The following SNIP1 variants were observed in gnomAD, a reference collection of about 807,000 sequenced individuals.
SNIP1 encodes Smad nuclear interacting protein 1, also known as smad nuclear-interacting protein 1.
A neutral mutation model predicts 37.4 loss-of-function variants in SNIP1; 23 were observed. The ratio of observed to expected loss-of-function variants is 0.61; its 90% CI spans 0.44 to 0.87. SNIP1 has a LOEUF of 0.87. Among genes scored for constraint, SNIP1 ranks in the 40% least tolerant of loss-of-function variants. SNIP1 has a pLI of 0.00. For missense variants in SNIP1, 459 were observed against 540.4 expected (o/e 0.85, Z 1.49); for synonymous variants, 174 against 200.0 (o/e 0.87, Z 1.10).
chr1:37,554,008 G>A lies in SNIP1; in HGVS notation c.222C>T (p.Ser74=). 1.3e-6 allele frequency: 2 copies of A among 1,561,396 alleles called. No homozygotes were observed. The highest frequency in any genetic ancestry group is 1.2e-5 in the South Asian group (1 of 85,622). The change falls in exon 1 of 4, where the codon AGC becomes AGT. Residue 74 remains serine, a splice_region_variant and synonymous_variant. Transcript: ENST00000296215. ...TCCTGGACTGCTCCCCCACTTACCG[G>A]CTAACTCCTCGGGCTCGGTTCCCGC... ...GHRGNRARGV[S]RSPPKKKNKA...
At position 37,534,994 on chromosome 1, in the gene SNIP1, T is replaced by A. The variant is rs918777539; in HGVS notation, c.*2754A>T. 1 of 151,050 alleles carries A rather than the reference T, an allele frequency of 6.6e-6. No individual in the cohort carries two copies. The highest frequency in any genetic ancestry group is 2.4e-5 in the African/African-American group (1 of 40,886). 9.4% of individuals were successfully genotyped at this position (151,050 alleles called of 1,614,324 possible). A position where few individuals can be genotyped will look rare whatever the true frequency, so the allele number is the denominator to read the frequency against. On this transcript the variant is annotated 3_prime_UTR_variant, in exon 4 of 4. Coordinates refer to ENST00000296215, the MANE Select transcript of SNIP1 (RefSeq NM_024700.4). ...CACTTTAAGAAGTCTGCTGGTGATA[T>A]CTGGCTTTAGAGGCAGGTAATGTCT...
intron 2 of SNIP1, 25 bp downstream of exon 2, chr1:37,552,620 C>T: frequency 6.3e-7 from 1 of 1,580,218 alleles, no homozygotes; most frequent in Non-Finnish European, 8.7e-7. Context: ...AATTTGGACC[C>T]ATCAAAACAC....
chr1:37,536,057 C>G lies in SNIP1; in HGVS notation c.*1691G>C, dbSNP rs1643089337. On this transcript the variant is annotated 3_prime_UTR_variant, in exon 4 of 4. Coordinates refer to ENST00000296215, the MANE Select transcript of SNIP1 (RefSeq NM_024700.4). ...GAACTCCTGACCTCAGATGATCTGCCCACCTCAGCCTCCGAAAGTGTTGGG... is the reference window on the plus strand; with the variant it reads ...GAACTCCTGACCTCAGATGATCTGCGCACCTCAGCCTCCGAAAGTGTTGGG... 6.6e-6 allele frequency: 1 copy of G among 152,276 alleles called. No individual in the cohort carries two copies. Among genetic ancestry groups the G allele is most frequent in the South Asian group, 2.1e-4 (1 of 4,836 alleles). 9.4% of individuals were successfully genotyped at this position (152,276 alleles called of 1,614,324 possible). A position where few individuals can be genotyped will look rare whatever the true frequency, so the allele number is the denominator to read the frequency against.
rs751508731 is a variant in SNIP1, at chr1:37,537,799, G to A, written c.1140C>T (p.Asp380=). 3 of 1,614,018 alleles carry A rather than the reference G, an allele frequency of 1.9e-6. No homozygotes were observed. In the South Asian group the frequency reaches 3.3e-5, roughly 18 times the overall value. The change falls in exon 4 of 4, where the codon GAC becomes GAT. Residue 380 remains aspartate, a synonymous_variant. Coordinates refer to ENST00000296215, the MANE Select transcript of SNIP1 (RefSeq NM_024700.4). Reference sequence around the variant, plus strand: ...CCTCCTCATCCTCGTCATCTTTCCTGTCTATTTCAGAAGTGTCCGACGACT... The same window carrying A: ...CCTCCTCATCCTCGTCATCTTTCCTATCTATTTCAGAAGTGTCCGACGACT... ...LHESSDTSEI[D]RKDDEDEEEE...
Position 37,537,163 on chromosome 1 carries a change from A to C in SNIP1, c.*585T>G, listed in dbSNP as rs922482859. 23 of 152,834 alleles carry C rather than the reference A, an allele frequency of 1.5e-4. No homozygotes were observed. The highest frequency in any genetic ancestry group is 4.8e-4 in the African/African-American group (20 of 41,434). 9.5% of individuals were successfully genotyped at this position (152,834 alleles called of 1,614,324 possible). A position where few individuals can be genotyped will look rare whatever the true frequency, so the allele number is the denominator to read the frequency against. ...AAGCATCTGTTTAAGTTAAACAGTC[A>C]ATAATGTTTACTGACTGCAGTACAT... is the stretch of plus-strand genomic sequence containing the variant. On this transcript the variant is annotated 3_prime_UTR_variant, in exon 4 of 4. Coordinates refer to ENST00000296215, the MANE Select transcript of SNIP1 (RefSeq NM_024700.4).
rs542076295 is a variant in SNIP1 at position 37,543,825 on chromosome 1, C to T, written c.328-3070G>A. Reference sequence around the variant, plus strand: ...CACACAAGGAAATGGAAACAAGCCACTGAGCATGAGAGGCAGCAGAAACAA... The same window carrying T: ...CACACAAGGAAATGGAAACAAGCCATTGAGCATGAGAGGCAGCAGAAACAA... On this transcript the variant is annotated intron_variant, in intron 2 of 3. Coordinates refer to ENST00000296215, the MANE Select transcript of SNIP1 (RefSeq NM_024700.4). Among the ~76,000 whole-genome samples, 83 of 151,786 alleles carry T rather than the reference C, an allele frequency of 5.5e-4. 1 individual carries two copies. The highest frequency in any genetic ancestry group is 2.0e-3 in the African/African-American group (82 of 41,328).
rs1374305647 is a variant in SNIP1 at position 37,552,475 on chromosome 1, AAAAT to A, written c.327+166_327+169del. The A allele has an allele frequency of 4.9e-6, 3 of 613,152 alleles. No homozygotes were observed. The African/African-American group carries it at 5.5e-5, about 11-fold the overall frequency. The allele number at this position is 613,152 out of a possible 1,614,324, so 38.0% of individuals were successfully genotyped here. On this transcript the variant is annotated intron_variant, in intron 2 of 3. Transcript: ENST00000296215. ...GTTTAATTTAAGCAAACAAGCAGAA[AAAAT>A]AAATACAGCCAGTTTTCAGAAAAGC... is the stretch of plus-strand genomic sequence containing the variant.
chr1:37,552,680 G>C lies in SNIP1; in HGVS notation c.292C>G (p.Arg98Gly). Residue 98 changes from arginine to glycine, a missense_variant, in exon 2 of 4, where the codon CGA becomes GGA. By Grantham distance (125) the Arg-to-Gly change is moderately radical. Transcript: ENST00000296215. ...TTGACTGTTGAGTGGTGAGGACTTC[G>C]GTTTCTCTTACTGCGAGGAGACTTG... ...RSKSPRSKRN[R>G]SPHHSTVKVK... 1 of 1,614,160 alleles carries C rather than the reference G, an allele frequency of 6.2e-7. No individual in the cohort carries two copies. Among genetic ancestry groups the C allele is most frequent in the South Asian group, 1.1e-5 (1 of 91,084 alleles).
chr1:37,541,759 GC>G, intron 2 of SNIP1, among the ~76,000 whole-genome samples: 1 of 151,852 alleles, frequency 6.6e-6, no homozygotes, highest in Non-Finnish European at 1.5e-5. Context: ...ATGGTGGATG[GC>G]TGAAACCACG....
chr1:37,546,148 C>A (rs1228637910), intron 2 of SNIP1, among the ~76,000 whole-genome samples: 1 of 23,410 alleles, frequency 4.3e-5, no homozygotes, highest in Admixed American at 1.1e-3. Context: ...GACTAAGACC[C>A]CCCCCCCCCC....
chr1:37,534,848 T>C lies in SNIP1; in HGVS notation c.*2900A>G, dbSNP rs571478839. ...GGGCTGTTTTGAAAATAGTTTGATT[T>C]TGACACAATGATTTGCAGACAAGCC... On this transcript the variant is annotated 3_prime_UTR_variant, in exon 4 of 4. Coordinates refer to ENST00000296215, the MANE Select transcript of SNIP1 (RefSeq NM_024700.4). 2.4e-4 allele frequency: 37 copies of C among 152,114 alleles called. No homozygotes were observed. Among genetic ancestry groups the C allele is most frequent in the African/African-American group, 8.4e-4 (35 of 41,472 alleles). The allele number at this position is 152,114 out of a possible 1,614,324, so 9.4% of individuals were successfully genotyped here.
At chr1:37,547,424 A>C (rs1643253421) in intron 2 of SNIP1, among the ~76,000 whole-genome samples, 1 of 152,172 alleles carries the variant, frequency 6.6e-6, no homozygotes, top group Non-Finnish European at 1.5e-5. Flanking sequence ...GCATGTAATC[A>C]ATACATTTGT....
chr1:37,547,638 G>A lies in SNIP1; in HGVS notation c.327+5007C>T, dbSNP rs767241883. Among the ~76,000 whole-genome samples, 80 of 151,750 alleles carry A rather than the reference G, an allele frequency of 5.3e-4. 1 individual carries two copies. Among genetic ancestry groups the A allele is most frequent in the Admixed American group, 4.6e-4 (7 of 15,222 alleles). The stretch of plus-strand genomic sequence containing the variant: ...AATCCTAGCTACTGGGGAGGTTGAG[G>A]CACGAGAATCGCTTGAACCCAGGAG... On this transcript the variant is annotated intron_variant, in intron 2 of 3. Coordinates refer to ENST00000296215, the MANE Select transcript of SNIP1 (RefSeq NM_024700.4).
Position 37,540,665 on chromosome 1 carries a change from G to A in SNIP1, c.418C>T (p.Arg140Trp), listed in dbSNP as rs1008679610. 9.3e-6 allele frequency: 15 copies of A among 1,613,910 alleles called. No homozygotes were observed. Among genetic ancestry groups the A allele is most frequent in the East Asian group, 6.7e-5 (3 of 44,892 alleles). ...TGGGAATGGCCCCGGTGTCTGTCCC[G>A]GTCACTGTTCCTAGCTCTCCTGTGT... ...QEHRRARNSD[R>W]DRHRGHSHQR... Residue 140 changes from arginine to tryptophan, a missense_variant, in exon 3 of 4, where the codon CGG becomes TGG. By Grantham distance (101) the Arg-to-Trp change is moderately radical (BLOSUM62 -3). Transcript: ENST00000296215. The surrounding 1 kb of genome is among the most constrained non-coding windows in gnomAD (Gnocchi z 5.6).
At chr1:37,548,385 G>A (rs1313415383) in intron 2 of SNIP1, among the ~76,000 whole-genome samples, 1 of 150,956 alleles carries the variant, frequency 6.6e-6, no homozygotes, top group Non-Finnish European at 1.5e-5. Context: ...GTGCGATCTT[G>A]GCTCACTGTA....
chr1:37,544,493 T>G (rs1433445463), intron 2 of SNIP1, among the ~76,000 whole-genome samples: 1 of 151,604 alleles, frequency 6.6e-6, no homozygotes, highest in Non-Finnish European at 1.5e-5. Flanking sequence ...CTTATAGATG[T>G]AGATCCCCAA....
rs1449666942 is a variant in SNIP1 at position 37,538,010 on chromosome 1, AGCCTAGC to A, written c.927-5_928del. On this transcript the variant is annotated splice_acceptor_variant and splice_polypyrimidine_tract_variant and coding_sequence_variant and intron_variant, in exon 4 of 4. Transcript: ENST00000296215. LOFTEE classifies it high-confidence loss of function. ...GCCATCAGCACGGGTATATTCCACA[AGCCTAGC>A]AGAAAAAAAGGAGAAACCTGTGAGC... 3 of 1,584,854 alleles carry A rather than the reference AGCCTAGC, an allele frequency of 1.9e-6. No individual in the cohort carries two copies. The Admixed American group carries it at 5.6e-5, about 30-fold the overall frequency.
chr1:37,549,517 A>T (rs1643278906), intron 2 of SNIP1, among the ~76,000 whole-genome samples: 1 of 151,834 alleles, frequency 6.6e-6, no homozygotes, highest in South Asian at 2.1e-4. Flanking sequence ...TAATCCTCCC[A>T]CTCAGGAGCT....
intron 2 of SNIP1, chr1:37,544,780 C>T: frequency 2.7e-6 from 2 of 731,042 alleles, no homozygotes; most frequent in Non-Finnish European, 2.5e-6. Flanking sequence ...CTGCGCGTCC[C>T]CCTCGCAGGT....
Sources: allele counts gnomAD v4.1 joint callset (sites outside exome capture counted in the v4.1 genomes callset), GRCh38; gene constraint gnomAD v4.1.1; non-coding constraint Gnocchi (gnomAD v3.1); transcripts MANE v1.5; gene names NCBI Gene and HGNC (gene_info 2026-07-23, HGNC 2026-07-21).